Variants in OOSP4A observed in about 807,000 individuals in gnomAD.
OOSP4A encodes the protein oocyte-secreted protein 4A.
intron 2 of OOSP4A, 39 bp from the exon 3 acceptor site, chr11:59,967,028 A>G (rs931267630): frequency 1.0e-5 from 4 of 397,236 alleles, no homozygotes; most frequent in Non-Finnish European, 1.8e-5. Flanking sequence ...CATTTGAAAG[A>G]GATATAATTA....
At chr11:59,967,138 C>T in exon 3 of OOSP4A, 2 of 398,168 alleles carry the variant, frequency 5.0e-6, no homozygotes, top group Admixed American at 4.4e-5. Flanking sequence ...TCAATTTACA[C>T]ATCCCAGTAT....
chr11:59,964,255 C>CA (rs36084986), intron 1 of OOSP4A, among the ~76,000 whole-genome samples, 156 bp downstream of exon 1: 7,179 of 149,914 alleles, frequency 0.048, 533 homozygotes, highest in African/African-American at 0.16. Flanking sequence ...TACAGCCAGA[C>CA]TAGTTTTATC....
chr11:59,964,462 A>G (rs1854076835), intron 1 of OOSP4A, among the ~76,000 whole-genome samples: 1 of 152,090 alleles, frequency 6.6e-6, no homozygotes, highest in Non-Finnish European at 1.5e-5. Context: ...AGAGGAGGTT[A>G]CCTAGGTCTA....
At chr11:59,967,345 C>T (rs777723860) in intron 3 of OOSP4A, among the ~76,000 whole-genome samples, 181 bp downstream of exon 3, 21 of 152,220 alleles carry the variant, frequency 1.4e-4, no homozygotes, top group South Asian at 6.2e-4. Context: ...ATGTAGTTTC[C>T]GCATGAGTAG....
intron 2 of OOSP4A, among the ~76,000 whole-genome samples, chr11:59,965,980 G>T (rs112312316): frequency 0.028 from 4,282 of 151,562 alleles, 192 homozygotes; most frequent in African/African-American, 0.095. Context: ...TGTTTTTTTT[G>T]TTGTTGTTGT....
chr11:59,964,567 T>C (rs1453408938), intron 1 of OOSP4A, among the ~76,000 whole-genome samples: 3 of 152,164 alleles, frequency 2.0e-5, no homozygotes, highest in African/African-American at 4.8e-5. Context: ...CTGAATAGAT[T>C]TGGCATAGAT....
At chr11:59,969,212 G>T (rs976551709) in exon 4 of OOSP4A, 83 of 398,740 alleles carry the variant, frequency 2.1e-4, no homozygotes, top group Non-Finnish European at 4.4e-5. Context: ...GAATGCAGAA[G>T]GTCAGTGGGA....
chr11:59,969,736 G>GGACA (rs2134587744), intron 4 of OOSP4A, among the ~76,000 whole-genome samples: 1 of 152,244 alleles, frequency 6.6e-6, no homozygotes, highest in Admixed American at 6.5e-5. Flanking sequence ...TATGCTAGAG[G>GGACA]GACAGGCCCT....
intron 1 of OOSP4A, among the ~76,000 whole-genome samples, chr11:59,965,210 A>G (rs1854086803): frequency 6.6e-6 from 1 of 151,630 alleles, no homozygotes; most frequent in Non-Finnish European, 1.5e-5. Flanking sequence ...TGACGAGTTA[A>G]TGGGTGCAGC....
intron 2 of OOSP4A, 147 bp downstream of exon 2, chr11:59,965,860 G>T (rs1225217122): frequency 1.5e-5 from 6 of 394,896 alleles, no homozygotes; most frequent in African/African-American, 6.2e-5. Flanking sequence ...CAACATTTTT[G>T]GATGTTGCTT....
exon 2 of OOSP4A, chr11:59,965,659 G>C (rs1044705742): frequency 2.0e-5 from 8 of 398,510 alleles, no homozygotes; most frequent in African/African-American, 1.6e-4. Flanking sequence ...ACATGGTCGA[G>C]GTGGATTTCT....
intron 3 of OOSP4A, among the ~76,000 whole-genome samples, chr11:59,968,230 A>G (rs1854121311): frequency 6.6e-6 from 1 of 152,170 alleles, no homozygotes; most frequent in South Asian, 2.1e-4. Flanking sequence ...ACATGGTGCA[A>G]TTGTGGTCCA....
chr11:59,969,117 C>G (rs1854131894), intron 3 of OOSP4A, 33 bp from the exon 4 acceptor site: 2 of 398,118 alleles, frequency 5.0e-6, no homozygotes, highest in African/African-American at 2.1e-5. Flanking sequence ...ATAATATATA[C>G]AAAGCTTAAA....
intron 2 of OOSP4A, among the ~76,000 whole-genome samples, 159 bp from the exon 3 acceptor site, chr11:59,966,908 T>C (rs1020602288): frequency 6.6e-5 from 10 of 152,218 alleles, no homozygotes; most frequent in Admixed American, 5.2e-4. Flanking sequence ...CACTTAGCTC[T>C]GCTCTTCTAT....
intron 3 of OOSP4A, among the ~76,000 whole-genome samples, chr11:59,968,711 C>G (rs1250340386): frequency 6.6e-6 from 1 of 152,160 alleles, no homozygotes; most frequent in Non-Finnish European, 1.5e-5. Flanking sequence ...GTTGGAGAAG[C>G]TGATAGAAAC....
intron 2 of OOSP4A, among the ~76,000 whole-genome samples, chr11:59,965,977 T>TTTGTTG (rs547388889): frequency 6.6e-6 from 1 of 152,110 alleles, no homozygotes; most frequent in Admixed American, 6.6e-5. Flanking sequence ...TAGTGTTTTT[T>TTTGTTG]TTGTTGTTGT....
exon 2 of OOSP4A, chr11:59,965,580 G>T: frequency 2.5e-6 from 1 of 398,480 alleles, no homozygotes; most frequent in Non-Finnish European, 4.4e-6. Flanking sequence ...AAACTTAGAC[G>T]AACGCCGCTG....
At position 59,965,586 on chromosome 11, in the gene OOSP4A, C is replaced by T. The variant is rs184978506; in HGVS notation, c.119C>T (p.Pro40Leu). The stretch of plus-strand genomic sequence containing the variant: ...CTCCAGGTCAAACTTAGACGAACGC[C>T]GCTGTTAAATGACCTGCAACCTTTG... The change falls in exon 2 of 5, where the codon CCG becomes CTG. Residue 40 changes from proline (P) to leucine (L), a missense_variant. Transcript: ENST00000645590. The T allele has an allele frequency of 2.0e-3, 803 of 398,466 alleles. 8 individuals carry two copies. Among genetic ancestry groups the T allele is most frequent in the African/African-American group, 0.014 (703 of 48,704 alleles). The allele number at this position is 398,466 out of a possible 1,614,324, so 24.7% of individuals were successfully genotyped here.
At chr11:59,966,922 A>G in intron 2 of OOSP4A, 145 bp from the exon 3 acceptor site, 1 of 362,448 alleles carries the variant, frequency 2.8e-6, no homozygotes. Flanking sequence ...CTTCTATTGT[A>G]GACCGTGCAC....
Sources: allele counts gnomAD v4.1 joint callset (sites outside exome capture counted in the v4.1 genomes callset), GRCh38; gene constraint gnomAD v4.1.1; transcripts MANE v1.5; gene names NCBI Gene and HGNC (gene_info 2026-07-23, HGNC 2026-07-21).